ACSM1: variants seen among roughly 807,000 people sequenced by gnomAD.
The protein encoded by ACSM1 is acyl-coenzyme A synthetase ACSM1, mitochondrial.
In ACSM1, 79 loss-of-function variants were observed where a neutral mutation model predicts 75.8. The observed-to-expected ratio is 1.04, with a 90% CI of 0.87 to 1.26. The LOEUF (loss-of-function observed/expected upper bound fraction) is 1.26. ACSM1 is among the 50% of genes most tolerant of loss of function. The pLI, the probability that ACSM1 is intolerant of heterozygous loss-of-function variation, is 0.00. For synonymous variants in ACSM1, 279 were observed against 265.8 expected (o/e 1.05, Z -0.48); for missense variants, 676 against 720.1 (o/e 0.94, Z 0.70).
At chr16:20,637,243 G>T in intron 9 of ACSM1, 128 bp downstream of exon 9, 1 of 768,534 alleles carries the variant, frequency 1.3e-6, no homozygotes. Context: ...AAACTGAAGG[G>T]ATAAATGAGA....
intron 7 of ACSM1, among the ~76,000 whole-genome samples, chr16:20,660,391 T>C (rs1431773413): frequency 6.6e-6 from 1 of 152,202 alleles, no homozygotes; most frequent in Non-Finnish European, 1.5e-5. Flanking sequence ...TCCACCTCAC[T>C]ACCCTCTCCT....
chr16:20,671,513 C>A lies in ACSM1; in HGVS notation c.752+18G>T. On this transcript the variant is annotated intron_variant, in intron 5 of 13. Transcript: ENST00000520010. Reference sequence around the variant, plus strand: ...CCACATCTGGGTCCAGCCTCTATGTCGGTGCCCTCTTTCCTACCTTCCTGG... The same window carrying A: ...CCACATCTGGGTCCAGCCTCTATGTAGGTGCCCTCTTTCCTACCTTCCTGG... The A allele has an allele frequency of 1.3e-6, 2 of 1,593,704 alleles. No homozygotes were observed. The highest frequency in any genetic ancestry group is 1.7e-6 in the Non-Finnish European group (2 of 1,170,476).
chr16:20,665,383 A>T (rs2019514340), intron 6 of ACSM1, among the ~76,000 whole-genome samples: 1 of 152,192 alleles, frequency 6.6e-6, no homozygotes, highest in Non-Finnish European at 1.5e-5. Flanking sequence ...ATGCACCTGA[A>T]TTAGAAAATC....
At chr16:20,636,707 G>C (rs1467023352) in intron 10 of ACSM1, 32 bp downstream of exon 10, 3 of 1,535,660 alleles carry the variant, frequency 2.0e-6, no homozygotes, top group East Asian at 2.2e-5. Context: ...GGATCCTTGG[G>C]GCCAGGATGG....
chr16:20,663,487 T>G (rs1167616244), intron 6 of ACSM1, among the ~76,000 whole-genome samples: 1 of 152,112 alleles, frequency 6.6e-6, no homozygotes. Context: ...TTCCTTTGAC[T>G]CCGCCGGACT....
intron 12 of ACSM1, among the ~76,000 whole-genome samples, chr16:20,625,129 T>G (rs2152178299): frequency 6.6e-6 from 1 of 152,326 alleles, no homozygotes; most frequent in East Asian, 1.9e-4. Context: ...AGAGGTTACT[T>G]AACCTCCTCC....
rs761203831 is a variant in ACSM1, at chr16:20,640,604, C to G, written c.993-20G>C. The G allele has an allele frequency of 3.1e-6, 5 of 1,614,002 alleles. No homozygotes were observed. Among genetic ancestry groups the G allele is most frequent in the Non-Finnish European group, 4.2e-6 (5 of 1,179,928 alleles). Reference sequence around the variant, plus strand: ...CTGATGCTTAGAGGAAGACAAGGTGCCAGGCATTGGTGAGCCACCCTGGCT... The same window carrying G: ...CTGATGCTTAGAGGAAGACAAGGTGGCAGGCATTGGTGAGCCACCCTGGCT... On this transcript the variant is annotated intron_variant, in intron 7 of 13. Coordinates refer to ENST00000520010, the MANE Select transcript of ACSM1 (RefSeq NM_001318890.3).
At chr16:20,671,300 T>G (rs2019880889) in intron 5 of ACSM1, among the ~76,000 whole-genome samples, 1 of 152,050 alleles carries the variant, frequency 6.6e-6, no homozygotes, top group African/African-American at 2.4e-5. Context: ...TAAATGTGCC[T>G]CCTTTGTCAC....
rs760674307 is a variant in ACSM1 at position 20,625,425 on chromosome 16, C to A, written c.1525G>T (p.Glu509Ter). 6.2e-7 allele frequency: 1 copy of A among 1,613,876 alleles called. No individual in the cohort carries two copies. The highest frequency in any genetic ancestry group is 8.5e-7 in the Non-Finnish European group (1 of 1,179,960). ...GATGATCTCTGTGTTCTCCTCACCT[C>A]CCCTCGAATCGGGTCTGGGCTGCCC... ...VVGSPDPIRG[E>*]VVKAFIVLTP... is the part of the protein sequence containing the mutation. The change falls in exon 12 of 14, where the codon GAG (glutamate) becomes TAG (stop). Residue 509 changes from glutamate (E) to a stop codon, truncating the protein, a stop_gained and splice_region_variant. Transcript: ENST00000520010. LOFTEE classifies it high-confidence loss of function.
chr16:20,666,690 C>T (rs1268375835), intron 6 of ACSM1, among the ~76,000 whole-genome samples: 3 of 152,134 alleles, frequency 2.0e-5, no homozygotes, highest in African/African-American at 4.8e-5. Flanking sequence ...AGAGGCATCA[C>T]GTTGCCCAAC....
intron 6 of ACSM1, among the ~76,000 whole-genome samples, chr16:20,667,510 G>A (rs934633474): frequency 3.3e-5 from 5 of 152,090 alleles, no homozygotes; most frequent in Non-Finnish European, 7.4e-5. Context: ...AAAAACAAAT[G>A]CTGGTGAGGC....
In ACSM1 at chr16:20,640,558, C is replaced by T; in HGVS notation, c.1019G>A (p.Cys340Tyr). 6.2e-7 allele frequency: 1 copy of T among 1,614,182 alleles called. No individual in the cohort carries two copies. Among genetic ancestry groups the T allele is most frequent in the South Asian group, 1.1e-5 (1 of 91,082 alleles). Residue 340 changes from cysteine to tyrosine, a missense_variant, in exon 8 of 14, where the codon TGC becomes TAC. Cys to Tyr is a radical substitution (Grantham distance 194, BLOSUM62 -2). Transcript: ENST00000520010. ...TSIRFPALEHCYTGGEVVLPK... is the reference protein window; with the variant it reads ...TSIRFPALEHYYTGGEVVLPK... ...CAACACGACCTCCCCGCCAGTATAGCAGTGCTCCAGGGCAGGGAACCTGAT... is the reference window on the plus strand; with the variant it reads ...CAACACGACCTCCCCGCCAGTATAGTAGTGCTCCAGGGCAGGGAACCTGAT...
intron 10 of ACSM1, among the ~76,000 whole-genome samples, chr16:20,631,730 C>T (rs764658058): frequency 2.6e-5 from 4 of 152,166 alleles, no homozygotes; most frequent in Non-Finnish European, 4.4e-5. Context: ...TTGGAAGGAG[C>T]TGGAGGCCAT....
In ACSM1 at chr16:20,623,390, C is replaced by G; in HGVS notation, c.*96G>C. ...CTCCTGATACTTTCCCAAATCAACACTCTCAATGCCCCACCCTCGTCCTCA... is the reference window on the plus strand; with the variant it reads ...CTCCTGATACTTTCCCAAATCAACAGTCTCAATGCCCCACCCTCGTCCTCA... On this transcript the variant is annotated 3_prime_UTR_variant, in exon 14 of 14. Coordinates refer to ENST00000520010, the MANE Select transcript of ACSM1 (RefSeq NM_001318890.3). The G allele has an allele frequency of 1.9e-6, 2 of 1,057,384 alleles. No individual in the cohort carries two copies. The highest frequency in any genetic ancestry group is 1.4e-5 in the South Asian group (1 of 70,550). The allele number at this position is 1,057,384 out of a possible 1,614,324, so 65.5% of individuals were successfully genotyped here.
At chr16:20,694,014 A>G (rs1165199709) in intron 1 of ACSM1, among the ~76,000 whole-genome samples, 1 of 152,234 alleles carries the variant, frequency 6.6e-6, no homozygotes, top group Admixed American at 6.5e-5. Flanking sequence ...AGCTCCCACA[A>G]TTTAGCCTAA....
At chr16:20,655,045 A>G (rs1334606063) in intron 7 of ACSM1, among the ~76,000 whole-genome samples, 1 of 152,180 alleles carries the variant, frequency 6.6e-6, no homozygotes, top group Admixed American at 6.5e-5. Context: ...TGGCACATAT[A>G]CACCATGGAA....
intron 7 of ACSM1, among the ~76,000 whole-genome samples, chr16:20,641,368 C>T (rs1340811532): frequency 2.0e-5 from 3 of 152,076 alleles, no homozygotes; most frequent in Admixed American, 6.6e-5. Flanking sequence ...AGGGAAAAAG[C>T]TGAGTGTTGG....
At chr16:20,691,806 T>TGTGTGTGTGTGTGTGTG (rs1596478335) in intron 1 of ACSM1, among the ~76,000 whole-genome samples, 2 of 144,498 alleles carry the variant, frequency 1.4e-5, no homozygotes, top group East Asian at 2.0e-4. Flanking sequence ...TGTGTGTGTG[T>TGTGTGTGTGTGTGTGTG]TTCTAAACAG....
chr16:20,631,501 AG>A (rs1289630268), intron 10 of ACSM1, among the ~76,000 whole-genome samples: 2 of 152,248 alleles, frequency 1.3e-5, no homozygotes, highest in African/African-American at 4.8e-5. Context: ...CATTCGATCC[AG>A]CAATCCCACT....
Sources: allele counts gnomAD v4.1 joint callset (sites outside exome capture counted in the v4.1 genomes callset), GRCh38; gene constraint gnomAD v4.1.1; transcripts MANE v1.5; gene names NCBI Gene and HGNC (gene_info 2026-07-23, HGNC 2026-07-21).